MYH14: variants seen among roughly 807,000 people sequenced by gnomAD.
MYH14 encodes the protein myosin heavy chain 14, also known as myosin-14.
A neutral mutation model predicts 255.5 loss-of-function variants in MYH14; 123 were observed. The ratio of observed to expected loss-of-function variants is 0.48; its 90% confidence interval spans 0.42 to 0.56. MYH14 has a LOEUF of 0.56. MYH14 is among the 20% of genes least tolerant of loss of function. The pLI, the probability that MYH14 is intolerant of heterozygous loss-of-function variation, is 0.00. For synonymous variants in MYH14, 1,095 were observed against 1,161.2 expected (o/e 0.94, Z 1.16); for missense variants, 2,423 against 2,802.3 (o/e 0.86, Z 3.06).
intron 18 of MYH14, 96 bp downstream of exon 18, chr19:50,257,582 C>T: frequency 1.6e-6 from 2 of 1,240,112 alleles, no homozygotes; most frequent in South Asian, 2.6e-5. Context: ...TTCGAGGACC[C>T]TCAAATTAGC....
At chr19:50,208,501 TA>T (rs999688900) in intron 1 of MYH14, among the ~76,000 whole-genome samples, 4 of 150,868 alleles carry the variant, frequency 2.7e-5, no homozygotes, top group Non-Finnish European at 5.9e-5. Context: ...TTGGTTTCTG[TA>T]AAAAAATAAA....
rs2036677754 is a variant in MYH14 at position 50,307,082 on chromosome 19, A to G, written c.5712A>G (p.Arg1904=). The G allele has an allele frequency of 6.4e-7, 1 of 1,551,178 alleles. No homozygotes were observed. The highest frequency in any genetic ancestry group is 2.4e-5 in the East Asian group (1 of 40,912). ...ERILSGKLVR[R]AEKRLKEVVL... ...TCCTCTCTGGAAAGCTGGTGCGCAG[A>G]GCTGAGAAGCGGCTTAAAGAGGTGG... Residue 1904 remains arginine (R), a synonymous_variant, in exon 41 of 43, where the codon AGA becomes AGG. Coordinates refer to ENST00000642316, the MANE Select transcript of MYH14 (RefSeq NM_001145809.2).
In MYH14 at chr19:50,293,187, A is replaced by C. The variant is rs1293983109; in HGVS notation, c.5257-46A>C. 9 of 1,402,178 alleles carry C rather than the reference A, an allele frequency of 6.4e-6. No individual in the cohort carries two copies. The Admixed American group carries it at 1.7e-4, about 27-fold the overall frequency. The allele number at this position is 1,402,178 out of a possible 1,614,324, so 86.9% of individuals were successfully genotyped here. A position where few individuals can be genotyped will look rare whatever the true frequency, so the allele number is the denominator to read the frequency against. The stretch of plus-strand genomic sequence containing the variant: ...AGAGAAAGGGGTGAGACCCGTGCCC[A>C]GATTGCTTCTCCTCACACCCACCGG... On this transcript the variant is annotated intron_variant, in intron 37 of 42. Coordinates refer to ENST00000642316, the MANE Select transcript of MYH14 (RefSeq NM_001145809.2). The surrounding 1 kb of genome is among the most constrained non-coding windows in gnomAD (Gnocchi z 4.1).
rs1412115992 is a variant in MYH14, at chr19:50,210,562, A to AGGC, written c.205_207dup (p.Ala69dup). On this transcript the variant is annotated inframe_insertion, in exon 2 of 43. Transcript: ENST00000642316. ...GTGCCTTCGGAGCTTCACGGGTTCG[A>AGGC]GGCGGCGGCGCTGCGGGACGAAGGC... 1.9e-6 allele frequency: 3 copies of AGGC among 1,581,804 alleles called. No homozygotes were observed. The highest frequency in any genetic ancestry group is 3.6e-5 in the Admixed American group (2 of 54,988).
At chr19:50,264,080 C>A (rs1271492660) in intron 22 of MYH14, among the ~76,000 whole-genome samples, 22 of 53,952 alleles carry the variant, frequency 4.1e-4, no homozygotes, top group Middle Eastern at 9.1e-3. Context: ...AAAAAAAGAG[C>A]AAAGGTTAAA....
Position 50,252,145 on chromosome 19 carries a change from C to T in MYH14, c.1831-494C>T, listed in dbSNP as rs1470617142. Among the ~76,000 whole-genome samples, 1 of 152,232 alleles carries T rather than the reference C, an allele frequency of 6.6e-6. No individual in the cohort carries two copies. The highest frequency in any genetic ancestry group is 2.4e-5 in the African/African-American group (1 of 41,456). On this transcript the variant is annotated intron_variant, in intron 15 of 42. Coordinates refer to ENST00000642316, the MANE Select transcript of MYH14 (RefSeq NM_001145809.2). The surrounding 1 kb of genome is among the most constrained non-coding windows in gnomAD (Gnocchi z 4.2). ...CCCAGCCCTCTGCTAGGCCGTGAGT[C>T]AGACCTGGGCCCTGCCCTCGGGGGA...
rs766059778 is a variant in MYH14, at chr19:50,301,685, T to G, written c.5494T>G (p.Ser1832Ala). 2 of 1,613,768 alleles carry G rather than the reference T, an allele frequency of 1.2e-6. No homozygotes were observed. Among genetic ancestry groups the G allele is most frequent in the East Asian group, 4.5e-5 (2 of 44,876 alleles). The change falls in exon 40 of 43, where the codon TCA becomes GCA. Residue 1832 changes from serine to alanine, a missense_variant. Coordinates refer to ENST00000642316, the MANE Select transcript of MYH14 (RefSeq NM_001145809.2). ...LQVESLTTEL[S>A]AERSFSAKAE... ...GGTAGAGTCACTGACCACAGAGCTG[T>G]CAGCTGAGCGCAGTTTCTCAGCCAA...
chr19:50,290,853 T>G (rs1377200478), intron 35 of MYH14, 34 bp from the exon 36 acceptor site: 19 of 1,543,378 alleles, frequency 1.2e-5, no homozygotes, highest in Non-Finnish European at 1.7e-5. Context: ...GGGCTTCCTG[T>G]GTCTGACCCG....
At chr19:50,270,050 A>G (rs528144115) in intron 24 of MYH14, among the ~76,000 whole-genome samples, 2 of 152,260 alleles carry the variant, frequency 1.3e-5, no homozygotes, top group Admixed American at 6.5e-5. Flanking sequence ...CTTTCTCTAC[A>G]AAAACAAAAA....
Position 50,280,714 on chromosome 19 carries a change from C to T in MYH14, c.4290+331C>T, listed in dbSNP as rs1303967052. 6.6e-6 allele frequency among the ~76,000 whole-genome samples: 1 copy of T among 152,110 alleles called. No individual in the cohort carries two copies. On this transcript the variant is annotated intron_variant, in intron 32 of 42. Transcript: ENST00000642316. The surrounding 1 kb of genome is among the most constrained non-coding windows in gnomAD (Gnocchi z 4.8). ...CCTGCACAGCCCCAGAAGCTTCTTTCTTTACCTGGAGCTGACCCTGTCCCT... is the reference window on the plus strand; with the variant it reads ...CCTGCACAGCCCCAGAAGCTTCTTTTTTTACCTGGAGCTGACCCTGTCCCT...
intron 40 of MYH14, among the ~76,000 whole-genome samples, chr19:50,305,840 G>A (rs1001266460): frequency 6.6e-6 from 1 of 152,170 alleles, no homozygotes; most frequent in African/African-American, 2.4e-5. Context: ...ACTGAGGTGG[G>A]AGGATCGCTT....
rs2035516872 is a variant in MYH14 at position 50,276,637 on chromosome 19, G to A, written c.3681-120G>A. On this transcript the variant is annotated intron_variant, in intron 28 of 42. Transcript: ENST00000642316. This position sits in a 1 kb window ranked among gnomAD's most constrained non-coding sequence, Gnocchi z 4.3. Reference sequence around the variant, plus strand: ...CATCACCACCCAGATCTCCTGAGGAGCATAACATGAGGCCCTCATATTTTA... The same window carrying A: ...CATCACCACCCAGATCTCCTGAGGAACATAACATGAGGCCCTCATATTTTA... 1 of 1,285,700 alleles carries A rather than the reference G, an allele frequency of 7.8e-7. No homozygotes were observed. Among genetic ancestry groups the A allele is most frequent in the South Asian group, 1.3e-5 (1 of 78,310 alleles). 79.6% of individuals were successfully genotyped at this position (1,285,700 alleles called of 1,614,324 possible).
At chr19:50,206,965 G>T (rs982955483) in intron 1 of MYH14, among the ~76,000 whole-genome samples, 1 of 146,598 alleles carries the variant, frequency 6.8e-6, no homozygotes, top group African/African-American at 2.5e-5. Context: ...TGTAATCCCA[G>T]CACTGTGGAG....
intron 23 of MYH14, among the ~76,000 whole-genome samples, chr19:50,267,549 A>G (rs936750162): frequency 6.6e-6 from 1 of 151,932 alleles, no homozygotes; most frequent in Non-Finnish European, 1.5e-5. Flanking sequence ...CTACTCTGGG[A>G]GGTGGAGGTT....
intron 27 of MYH14, among the ~76,000 whole-genome samples, chr19:50,275,011 T>G (rs2035453481): frequency 6.6e-6 from 1 of 152,008 alleles, no homozygotes; most frequent in Middle Eastern, 3.2e-3. Flanking sequence ...CCACTTTCTG[T>G]CTAAATAGAA....
intron 24 of MYH14, among the ~76,000 whole-genome samples, chr19:50,270,244 C>A (rs111615372): frequency 1.3e-5 from 2 of 151,638 alleles, no homozygotes; most frequent in East Asian, 1.9e-4. Flanking sequence ...ATAGGCTGGG[C>A]GCAATGGCTC....
chr19:50,276,331 T>A lies in MYH14; in HGVS notation c.3680+128T>A. The A allele has an allele frequency of 1.2e-6, 1 of 807,950 alleles. No homozygotes were observed. The highest frequency in any genetic ancestry group is 1.9e-6 in the Non-Finnish European group (1 of 530,068). The allele number at this position is 807,950 out of a possible 1,614,324, so 50.0% of individuals were successfully genotyped here. A position where few individuals can be genotyped will look rare whatever the true frequency, so the allele number is the denominator to read the frequency against. ...ACAGTTGTTCATGAACCACCGGCTC[T>A]AGGTCCGGCCTGGGTCAAGCTGGGG... On this transcript the variant is annotated intron_variant, in intron 28 of 42. Transcript: ENST00000642316. This position sits in a 1 kb window ranked among gnomAD's most constrained non-coding sequence, Gnocchi z 4.3.
At chr19:50,264,671 A>T (rs1291856341) in intron 22 of MYH14, among the ~76,000 whole-genome samples, 1 of 152,206 alleles carries the variant, frequency 6.6e-6, no homozygotes, top group African/African-American at 2.4e-5. Context: ...GGCCACCAGC[A>T]GATGGAGTCT....
chr19:50,249,703 G>C lies in MYH14; in HGVS notation c.1536G>C (p.Gln512His). 1 of 1,614,226 alleles carries C rather than the reference G, an allele frequency of 6.2e-7. No individual in the cohort carries two copies. The highest frequency in any genetic ancestry group is 1.6e-4 in the Middle Eastern group (1 of 6,062). The change falls in exon 14 of 43, where the codon CAG (glutamine) becomes CAC (histidine). Residue 512 changes from glutamine to histidine, a missense_variant. By Grantham distance (24) the Gln-to-His change is conservative. Coordinates refer to ENST00000642316, the MANE Select transcript of MYH14 (RefSeq NM_001145809.2). ...ACTACACCAACGAGAAGCTGCAGCA[G>C]CTCTTCAACCACACCATGTTCGTGC... The part of the protein sequence containing the change: ...CINYTNEKLQ[Q>H]LFNHTMFVLE...
Sources: gnomAD v4.1 joint callset for allele counts (sites outside exome capture counted in the v4.1 genomes callset) on GRCh38, gnomAD v4.1.1 for gene constraint, Gnocchi (gnomAD v3.1) non-coding constraint, MANE v1.5 for transcripts, NCBI Gene and HGNC (gene_info 2026-07-23, HGNC 2026-07-21) for gene names.